BACH2: variants seen among roughly 807,000 people sequenced by gnomAD.
BACH2 encodes the protein BACH transcriptional regulator 2, also known as transcription regulator protein BACH2.
A neutral mutation model predicts 61.8 loss-of-function variants in BACH2; 5 were observed. The observed-to-expected ratio is 0.08, with a 90% CI of 0.04 to 0.17. The LOEUF (loss-of-function observed/expected upper bound fraction) is 0.17. Ranked by LOEUF, BACH2 falls within the 10% of genes least tolerant of loss-of-function variation. The pLI is 1.00. For missense variants in BACH2, 824 were observed against 1,091.1 expected (o/e 0.76, Z 3.45); for synonymous variants, 446 against 440.1 (o/e 1.01, Z -0.17).
At chr6:90,136,067 C>A (rs1784260768) in intron 4 of BACH2, among the ~76,000 whole-genome samples, 1 of 152,168 alleles carries the variant, frequency 6.6e-6, no homozygotes, top group African/African-American at 2.4e-5. Flanking sequence ...TTCTCCAAGG[C>A]CAGTTACCCT....
At chr6:90,227,262 A>T (rs1769946388) in intron 3 of BACH2, among the ~76,000 whole-genome samples, 1 of 152,198 alleles carries the variant, frequency 6.6e-6, no homozygotes. Context: ...AGTCTGCTCC[A>T]CGCATTCTCC....
chr6:90,101,413 A>G (rs916614762), intron 4 of BACH2, among the ~76,000 whole-genome samples: 3 of 152,122 alleles, frequency 2.0e-5, no homozygotes, highest in African/African-American at 4.8e-5. Flanking sequence ...TAATTTTTGT[A>G]TATGGTGTAA....
At chr6:90,218,623 G>A (rs1562510819) in intron 3 of BACH2, among the ~76,000 whole-genome samples, 1 of 151,928 alleles carries the variant, frequency 6.6e-6, no homozygotes, top group Admixed American at 6.6e-5. Context: ...CAGGAGGGAG[G>A]AGAAGAATTG....
intron 4 of BACH2, among the ~76,000 whole-genome samples, chr6:90,168,396 G>A (rs571820944): frequency 6.6e-6 from 1 of 152,224 alleles, no homozygotes; most frequent in Non-Finnish European, 1.5e-5. Context: ...AAAAAACATG[G>A]AAATTCAAAC....
chr6:90,108,622 C>T (rs1266178660), intron 4 of BACH2, among the ~76,000 whole-genome samples: 1 of 152,172 alleles, frequency 6.6e-6, no homozygotes, highest in African/African-American at 2.4e-5. Context: ...GATGCTACCT[C>T]ACAAGCTGGT....
At chr6:89,973,175 G>A (rs978616275) in intron 6 of BACH2, among the ~76,000 whole-genome samples, 1 of 152,224 alleles carries the variant, frequency 6.6e-6, no homozygotes, top group Non-Finnish European at 1.5e-5. Context: ...GCTGAGGGAA[G>A]GGGATCGTTT....
At chr6:90,134,476 C>T (rs1466627261) in intron 4 of BACH2, among the ~76,000 whole-genome samples, 3 of 152,096 alleles carry the variant, frequency 2.0e-5, no homozygotes, top group African/African-American at 2.4e-5. Flanking sequence ...CCTTCCTGGT[C>T]GGATGGGGTT....
chr6:90,296,311 A>G (rs1582579052), intron 1 of BACH2, among the ~76,000 whole-genome samples, 169 bp downstream of exon 1: 4 of 151,264 alleles, frequency 2.6e-5, no homozygotes, highest in Middle Eastern at 3.4e-3. Flanking sequence ...AAAATGCCAT[A>G]AAAGCGGGCA....
intron 5 of BACH2, among the ~76,000 whole-genome samples, chr6:90,087,591 C>T (rs551807136): frequency 2.6e-5 from 4 of 152,270 alleles, no homozygotes; most frequent in South Asian, 2.1e-4. Flanking sequence ...AGTTAGGCAA[C>T]GGGCCTGTTC....
chr6:90,020,147 T>C (rs1197943568), intron 5 of BACH2, among the ~76,000 whole-genome samples: 1 of 152,214 alleles, frequency 6.6e-6, no homozygotes, highest in Admixed American at 6.5e-5. Flanking sequence ...CCTTGGCCTT[T>C]ACCTACCCCT....
intron 8 of BACH2, among the ~76,000 whole-genome samples, chr6:89,934,813 G>A (rs1362218621): frequency 6.6e-6 from 1 of 152,046 alleles, no homozygotes; most frequent in Non-Finnish European, 1.5e-5. Context: ...AAGAGGACGG[G>A]AGAGAAAATG....
At chr6:89,985,853 G>A (rs1214577202) in intron 6 of BACH2, among the ~76,000 whole-genome samples, 1 of 152,210 alleles carries the variant, frequency 6.6e-6, no homozygotes, top group African/African-American at 2.4e-5. Context: ...CTAGGAGGAA[G>A]GGAGCCAACA....
At chr6:90,066,292 A>C (rs150105634) in intron 5 of BACH2, among the ~76,000 whole-genome samples, 1 of 152,340 alleles carries the variant, frequency 6.6e-6, no homozygotes, top group Non-Finnish European at 1.5e-5. Flanking sequence ...AGAGGTGACC[A>C]GTGGCTCAGG....
chr6:90,035,198 TATTA>T lies in BACH2; in HGVS notation c.-12-26346_-12-26343del, dbSNP rs539821861. 3.4e-3 allele frequency among the ~76,000 whole-genome samples: 513 copies of T among 152,216 alleles called. 4 individuals are homozygous for T. Among genetic ancestry groups the T allele is most frequent in the African/African-American group, 0.012 (490 of 41,538 alleles). On this transcript the variant is annotated intron_variant, in intron 5 of 8. Transcript: ENST00000257749. Reference sequence around the variant, plus strand: ...AACTACCCTCTCTGGGTTGTTAACATATTATGACACACCAAACTACTCTTGCCTT... The same window carrying T: ...AACTACCCTCTCTGGGTTGTTAACATTGACACACCAAACTACTCTTGCCTT...
chr6:90,276,071 T>C (rs551928178), intron 1 of BACH2, among the ~76,000 whole-genome samples: 53 of 152,010 alleles, frequency 3.5e-4, no homozygotes, highest in Non-Finnish European at 5.3e-4. Flanking sequence ...GAGGTCAGAG[T>C]AGTCACACTT....
At chr6:90,225,574 T>C (rs1769885522) in intron 3 of BACH2, among the ~76,000 whole-genome samples, 1 of 151,518 alleles carries the variant, frequency 6.6e-6, no homozygotes, top group Non-Finnish European at 1.5e-5. Flanking sequence ...TGAGAACGCA[T>C]GGACACAGGG....
chr6:90,294,563 C>G (rs1201205532), intron 1 of BACH2, among the ~76,000 whole-genome samples: 1 of 152,202 alleles, frequency 6.6e-6, no homozygotes, highest in Non-Finnish European at 1.5e-5. Flanking sequence ...TTCAGTGGAG[C>G]AGTTTGAACG....
Position 90,271,683 on chromosome 6 carries a change from C to T in BACH2, c.-353+166G>A, listed in dbSNP as rs150001801. Among the ~76,000 whole-genome samples the T allele has an allele frequency of 8.1e-4, 124 of 152,174 alleles. 1 individual carries two copies. In the East Asian group the frequency reaches 0.02, roughly 24 times the overall value. On this transcript the variant is annotated intron_variant, in intron 2 of 8. Coordinates refer to ENST00000257749, the MANE Select transcript of BACH2 (RefSeq NM_021813.4). ...TAGGGAAATGCAAATTAAAAGTGCA[C>T]GAGATACCATCTTACTCCTGTAAGA...
At chr6:89,958,872 C>T (rs1237246299) in intron 6 of BACH2, among the ~76,000 whole-genome samples, 1 of 152,168 alleles carries the variant, frequency 6.6e-6, no homozygotes, top group African/African-American at 2.4e-5. Context: ...GTCCTCTATT[C>T]ACAATTGCCC....
Sources: allele counts gnomAD v4.1 joint callset (sites outside exome capture counted in the v4.1 genomes callset), GRCh38; gene constraint gnomAD v4.1.1; transcripts MANE v1.5; gene names NCBI Gene and HGNC (gene_info 2026-07-23, HGNC 2026-07-21).